GPHN: variants seen among roughly 807,000 people sequenced by gnomAD.
The protein encoded by GPHN is gephyrin.
In GPHN, 17 loss-of-function variants were observed where a neutral mutation model predicts 95.5. The observed-to-expected ratio is 0.18, with a 90% CI of 0.12 to 0.27. The LOEUF (loss-of-function observed/expected upper bound fraction) is 0.27. Among genes scored for constraint, GPHN ranks in the 10% least tolerant of loss-of-function variants. The probability of loss-of-function intolerance (pLI) is 1.00; values close to 1 mark genes in which losing one functional copy is unlikely to be tolerated. For synonymous variants in GPHN, 320 were observed against 322.5 expected, an observed-to-expected ratio of 0.99 and a Z score of 0.08; for missense variants, 660 against 978.1, an observed-to-expected ratio of 0.67 and a Z score of 4.34.
intron 1 of GPHN, among the ~76,000 whole-genome samples, chr14:66,680,344 A>C (rs778511173): frequency 6.6e-6 from 1 of 152,184 alleles, no homozygotes; most frequent in Non-Finnish European, 1.5e-5. Flanking sequence ...TTATCCTCAC[A>C]GTGGTAGGCT....
chr14:67,250,374 T>C, the GPHN span, among the ~76,000 whole-genome samples: 9 of 152,206 alleles, frequency 5.9e-5, no homozygotes, highest in African/African-American at 2.2e-4. Flanking sequence ...CTCAAATATT[T>C]ACTGACCAAA....
intron 4 of GPHN, among the ~76,000 whole-genome samples, chr14:66,835,886 G>T (rs939705493): frequency 6.6e-6 from 1 of 150,648 alleles, no homozygotes; most frequent in Non-Finnish European, 1.5e-5. Flanking sequence ...AACTTACAAG[G>T]GATGTGAAGG....
intron 9 of GPHN, among the ~76,000 whole-genome samples, chr14:66,988,143 C>T (rs961655846): frequency 2.6e-5 from 4 of 151,730 alleles, no homozygotes; most frequent in East Asian, 1.9e-4. Flanking sequence ...TTTCTAGCTG[C>T]GGCTTCATGC....
chr14:66,802,677 C>G (rs745428098), intron 3 of GPHN, among the ~76,000 whole-genome samples: 9 of 152,132 alleles, frequency 5.9e-5, no homozygotes, highest in Non-Finnish European at 1.3e-4. Context: ...GTTGATGAAT[C>G]CTGCCAGGAC....
the GPHN span, among the ~76,000 whole-genome samples, chr14:67,610,218 T>C: frequency 0.031 from 4,739 of 152,274 alleles, 226 homozygotes; most frequent in African/African-American, 0.11. Context: ...TAATGAAATA[T>C]AACATGACTG....
chr14:67,383,803 A>AATC, the GPHN span: 3 of 285,518 alleles, frequency 1.1e-5, no homozygotes, highest in South Asian at 1.0e-4. Flanking sequence ...AAACAATCCC[A>AATC]ATCTTTCTAT....
chr14:67,397,700 T>C, the GPHN span: 12 of 1,613,382 alleles, frequency 7.4e-6, no homozygotes, highest in Non-Finnish European at 1.0e-5. Flanking sequence ...CAGGTGATGG[T>C]GCAGCCATCC....
At chr14:67,396,354 G>T in the GPHN span, among the ~76,000 whole-genome samples, 5 of 150,736 alleles carry the variant, frequency 3.3e-5, no homozygotes, top group Non-Finnish European at 5.9e-5. Context: ...CACCATGTTG[G>T]CCAGGCTGGT....
the GPHN span, chr14:67,241,696 G>C: frequency 6.6e-6 from 1 of 152,346 alleles, no homozygotes; most frequent in East Asian, 1.9e-4. Context: ...TTCCTCAGGC[G>C]CGCGAGCTGC....
the GPHN span, among the ~76,000 whole-genome samples, chr14:67,307,830 C>G: frequency 4.0e-5 from 6 of 151,892 alleles, no homozygotes; most frequent in African/African-American, 1.5e-4. Flanking sequence ...TGGAATCAAC[C>G]TAAATGCCCA....
chr14:67,021,466 A>T (rs1158894064), intron 9 of GPHN, among the ~76,000 whole-genome samples: 1 of 152,086 alleles, frequency 6.6e-6, no homozygotes, highest in African/African-American at 2.4e-5. Flanking sequence ...GGTGCCACAA[A>T]GCAACACTTG....
At chr14:67,259,403 G>A in the GPHN span, among the ~76,000 whole-genome samples, 1 of 151,842 alleles carries the variant, frequency 6.6e-6, no homozygotes, top group African/African-American at 2.4e-5. Flanking sequence ...TTGAGGTTAG[G>A]ACTTTGAGAC....
intron 1 of GPHN, among the ~76,000 whole-genome samples, chr14:66,549,072 G>C (rs1043543022): frequency 3.3e-5 from 5 of 151,936 alleles, no homozygotes; most frequent in Non-Finnish European, 7.4e-5. Context: ...TATGTATTAT[G>C]TGTTAATTTA....
At chr14:66,807,861 C>G (rs563861204) in intron 3 of GPHN, among the ~76,000 whole-genome samples, 1 of 152,158 alleles carries the variant, frequency 6.6e-6, no homozygotes, top group Non-Finnish European at 1.5e-5. Flanking sequence ...TTTTAGTGCA[C>G]ATATGTATGC....
the GPHN span, chr14:67,323,722 T>C: frequency 6.3e-7 from 1 of 1,586,188 alleles, no homozygotes. Flanking sequence ...CTCTCCGGAA[T>C]TCAGATTTGA....
At chr14:66,702,891 C>T (rs949825669) in intron 2 of GPHN, among the ~76,000 whole-genome samples, 17 of 152,028 alleles carry the variant, frequency 1.1e-4, no homozygotes, top group Admixed American at 2.6e-4. Flanking sequence ...AAGATAAGAA[C>T]GTTGATAAAA....
At chr14:67,098,830 A>AT in intron 12 of GPHN, among the ~76,000 whole-genome samples, 4 of 152,092 alleles carry the variant, frequency 2.6e-5, no homozygotes, top group Admixed American at 2.6e-4. Context: ...CTCAAAAAAA[A>AT]AAAAAAGAAA....
At chr14:67,403,980 G>A in the GPHN span, among the ~76,000 whole-genome samples, 1 of 152,184 alleles carries the variant, frequency 6.6e-6, no homozygotes, top group Non-Finnish European at 1.5e-5. Flanking sequence ...GTGAGCCTGG[G>A]AGGTCAAGGC....
At chr14:66,901,690 A>G (rs2065136429) in intron 5 of GPHN, among the ~76,000 whole-genome samples, 1 of 152,002 alleles carries the variant, frequency 6.6e-6, no homozygotes, top group African/African-American at 2.4e-5. Context: ...TTATAAATAC[A>G]TGAATTTATA....
Sources: allele counts gnomAD v4.1 joint callset (sites outside exome capture counted in the v4.1 genomes callset), GRCh38; gene constraint gnomAD v4.1.1; transcripts MANE v1.5; gene names NCBI Gene and HGNC (gene_info 2026-07-23, HGNC 2026-07-21).